Variants in ACSS3 observed in about 807,000 individuals in gnomAD.
ACSS3 encodes the protein acyl-CoA synthetase short chain family member 3.
A neutral mutation model predicts 84.2 loss-of-function variants in ACSS3; 64 were observed. The observed-to-expected ratio is 0.76, with a 90% CI of 0.62 to 0.94. The LOEUF is 0.94. Among genes scored for constraint, ACSS3 ranks in the 40% least tolerant of loss-of-function variants. ACSS3 has a pLI of 0.00. For synonymous variants in ACSS3, 317 were observed against 310.1 expected, an observed-to-expected ratio of 1.02 and a Z score of -0.23; for missense variants, 815 against 867.6, an observed-to-expected ratio of 0.94 and a Z score of 0.76.
At chr12:81,218,779 C>T (rs1385110905) in intron 10 of ACSS3, among the ~76,000 whole-genome samples, 1 of 151,852 alleles carries the variant, frequency 6.6e-6, no homozygotes, top group Non-Finnish European at 1.5e-5. Flanking sequence ...AGCTTTCTTC[C>T]CTCATGTAAC....
At chr12:81,085,158 T>C (rs1018512938) in intron 1 of ACSS3, among the ~76,000 whole-genome samples, 5 of 152,234 alleles carry the variant, frequency 3.3e-5, no homozygotes, top group Admixed American at 3.3e-4. Flanking sequence ...GGACTCCTTG[T>C]TTTTGCAAGT....
chr12:81,122,074 A>G (rs1179801181), intron 2 of ACSS3, among the ~76,000 whole-genome samples: 1 of 151,858 alleles, frequency 6.6e-6, no homozygotes, highest in Non-Finnish European at 1.5e-5. Flanking sequence ...CTGGGACTAC[A>G]GGTGCGTGGC....
chr12:81,199,691 CTTCT>C, intron 9 of ACSS3: 1 of 1,412,150 alleles, frequency 7.1e-7, no homozygotes, highest in African/African-American at 1.4e-5. Context: ...TTTATCTTCT[CTTCT>C]TTGTTTCTTA....
At position 81,257,536 on chromosome 12, in the gene ACSS3, T is replaced by C. The variant is rs2034346999; in HGVS notation, c.*2614T>C. The C allele has an allele frequency of 6.6e-6, 1 of 152,174 alleles. No homozygotes were observed. Among genetic ancestry groups the C allele is most frequent in the East Asian group, 1.9e-4 (1 of 5,198 alleles). 9.4% of individuals were successfully genotyped at this position (152,174 alleles called of 1,614,324 possible). On this transcript the variant is annotated 3_prime_UTR_variant, in exon 16 of 16. Coordinates refer to ENST00000548058, the MANE Select transcript of ACSS3 (RefSeq NM_024560.4). ...TTGGTATTTTCATAGGATTTCTTAC[T>C]GTTAAGTTATTGGAAAATGAAAATA...
chr12:81,197,808 A>C (rs985714685), intron 8 of ACSS3, among the ~76,000 whole-genome samples: 2 of 151,514 alleles, frequency 1.3e-5, no homozygotes, highest in Non-Finnish European at 2.9e-5. Flanking sequence ...TTACCTCACT[A>C]TTTTTCCTTG....
At chr12:81,177,726 C>T (rs141864266) in intron 8 of ACSS3, among the ~76,000 whole-genome samples, 3,346 of 152,284 alleles carry the variant, frequency 0.022, 84 homozygotes, top group South Asian at 0.11. Context: ...CTCACCATCA[C>T]TGGCCATCAG....
intron 8 of ACSS3, among the ~76,000 whole-genome samples, chr12:81,177,259 G>A (rs2030553263): frequency 6.6e-6 from 1 of 152,090 alleles, no homozygotes; most frequent in Non-Finnish European, 1.5e-5. Flanking sequence ...AACAAAACAA[G>A]GATGTGCACT....
intron 1 of ACSS3, among the ~76,000 whole-genome samples, chr12:81,102,998 T>C (rs1882653829): frequency 6.6e-6 from 1 of 152,214 alleles, no homozygotes; most frequent in African/African-American, 2.4e-5. Context: ...GAACGTAGCC[T>C]GCTAATGTAA....
chr12:81,174,229 C>T (rs1226505861), intron 7 of ACSS3, among the ~76,000 whole-genome samples: 1 of 152,152 alleles, frequency 6.6e-6, no homozygotes, highest in Non-Finnish European at 1.5e-5. Context: ...TGAACATATA[C>T]AATGTTATTT....
chr12:81,138,809 G>T (rs1885938879), intron 3 of ACSS3, among the ~76,000 whole-genome samples: 1 of 152,062 alleles, frequency 6.6e-6, no homozygotes, highest in Non-Finnish European at 1.5e-5. Flanking sequence ...CAAGTAAGGG[G>T]CCTCAAGATT....
intron 11 of ACSS3, among the ~76,000 whole-genome samples, chr12:81,226,664 C>T (rs1291493015): frequency 3.9e-5 from 6 of 151,974 alleles, no homozygotes; most frequent in South Asian, 2.1e-4. Context: ...GCGCTCTTTG[C>T]GTTGGCATCA....
At chr12:81,228,509 A>G (rs1430139422) in intron 11 of ACSS3, among the ~76,000 whole-genome samples, 2 of 151,884 alleles carry the variant, frequency 1.3e-5, no homozygotes, top group African/African-American at 2.4e-5. Context: ...TGTAGGCATC[A>G]ATTAATTATA....
intron 2 of ACSS3, among the ~76,000 whole-genome samples, chr12:81,121,107 C>A (rs1254935540): frequency 2.0e-5 from 3 of 152,132 alleles, no homozygotes; most frequent in Admixed American, 6.5e-5. Context: ...TTGTACCATT[C>A]CTGGGATATT....
intron 1 of ACSS3, among the ~76,000 whole-genome samples, chr12:81,081,958 C>T (rs1237088642): frequency 6.6e-6 from 1 of 152,156 alleles, no homozygotes; most frequent in Non-Finnish European, 1.5e-5. Context: ...AATTAAAGGA[C>T]ATCAATCATT....
chr12:81,100,695 A>G (rs1451753209), intron 1 of ACSS3, among the ~76,000 whole-genome samples: 3 of 152,198 alleles, frequency 2.0e-5, no homozygotes, highest in African/African-American at 7.2e-5. Context: ...TCATCCTACA[A>G]ATTGATCTTG....
At chr12:81,199,619 TTCA>T in intron 9 of ACSS3, 175 bp downstream of exon 9, 2 of 1,495,208 alleles carry the variant, frequency 1.3e-6, no homozygotes, top group Non-Finnish European at 1.8e-6. Context: ...TAATAATGTC[TTCA>T]TAAGTGACAT....
At position 81,139,254 on chromosome 12, in the gene ACSS3, C is replaced by A; in HGVS notation, c.769C>A (p.Arg257Ser). 1.2e-6 allele frequency: 2 copies of A among 1,613,720 alleles called. No homozygotes were observed. The highest frequency in any genetic ancestry group is 1.7e-6 in the Non-Finnish European group (2 of 1,179,828). The change falls in exon 4 of 16, where the codon CGT becomes AGT. Residue 257 changes from arginine (R) to serine (S), a missense_variant. Transcript: ENST00000548058. Reference sequence around the variant, plus strand: ...ACCAGACAAAATTCTCATTTATAATCGTCCAAATATGGTAATCTGAATATT... The same window carrying A: ...ACCAGACAAAATTCTCATTTATAATAGTCCAAATATGGTAATCTGAATATT... The part of the protein sequence containing the change: ...HKPDKILIYN[R>S]PNMEAVPLAP...
At chr12:81,158,225 C>T (rs1270376609) in intron 7 of ACSS3, among the ~76,000 whole-genome samples, 3 of 151,952 alleles carry the variant, frequency 2.0e-5, no homozygotes, top group Non-Finnish European at 4.4e-5. Context: ...CTTCTTACAA[C>T]TGCATGTAAA....
chr12:81,149,942 A>T (rs1886529628), intron 5 of ACSS3, among the ~76,000 whole-genome samples: 1 of 151,946 alleles, frequency 6.6e-6, no homozygotes, highest in Non-Finnish European at 1.5e-5. Flanking sequence ...TTTTGGTCAG[A>T]TGGGTTTAAG....
Sources: gnomAD v4.1 joint callset for allele counts (sites outside exome capture counted in the v4.1 genomes callset) on GRCh38, gnomAD v4.1.1 for gene constraint, MANE v1.5 for transcripts, NCBI Gene and HGNC (gene_info 2026-07-23, HGNC 2026-07-21) for gene names.